Variants in TFB2M observed in about 807,000 individuals in gnomAD.
The protein encoded by TFB2M is dimethyladenosine transferase 2, mitochondrial.
Under a neutral mutation model 41.3 loss-of-function variants are expected in TFB2M, and 44 were observed. That is an observed-to-expected ratio of 1.07 (90% confidence interval 0.84 to 1.37). The LOEUF (loss-of-function observed/expected upper bound fraction) is 1.37, where lower values mean the gene tolerates loss of function less well. Ranked by LOEUF, TFB2M falls within the 40% of genes most tolerant of loss-of-function variation. The pLI, the probability that TFB2M is intolerant of heterozygous loss-of-function variation, is 0.00. For missense variants in TFB2M, 496 were observed against 490.2 expected (o/e 1.01, Z -0.11); for synonymous variants, 188 against 176.8 (o/e 1.06, Z -0.50).
chr1:246,564,280 A>G, intron 2 of TFB2M, 66 bp downstream of exon 2: 1 of 1,407,408 alleles, frequency 7.1e-7, no homozygotes, highest in East Asian at 2.3e-5. Flanking sequence ...GCTTAATTCC[A>G]TTTCCTTAAA....
chr1:246,550,204 G>GATGAAAGTCAACAGA (rs2102986045), intron 5 of TFB2M, among the ~76,000 whole-genome samples: 1 of 152,338 alleles, frequency 6.6e-6, no homozygotes, highest in South Asian at 2.1e-4. Context: ...GAAGACTTGA[G>GATGAAAGTCAACAGA]ATGAAAGTCA....
rs1659090999 is a variant in TFB2M, at chr1:246,548,695, C to A, written c.796-88G>T. On this transcript the variant is annotated intron_variant, in intron 5 of 7. Transcript: ENST00000366514. ...TATTACTTCCTTAAAAAACACCTTG[C>A]CTAAATAAGAGAATGGTCAGTCTAA... The A allele has an allele frequency of 3.3e-6, 4 of 1,200,162 alleles. No homozygotes were observed. The South Asian group carries it at 3.9e-5, about 12-fold the overall frequency. 74.3% of individuals were successfully genotyped at this position (1,200,162 alleles called of 1,614,324 possible). A position where few individuals can be genotyped will look rare whatever the true frequency, so the allele number is the denominator to read the frequency against.
chr1:246,556,823 T>C (rs1659336430), intron 3 of TFB2M, 102 bp from the exon 4 acceptor site: 2 of 997,874 alleles, frequency 2.0e-6, no homozygotes, highest in Admixed American at 3.2e-5. Flanking sequence ...TATATTAATT[T>C]CAAGTTTATT....
chr1:246,565,879 AT>A lies in TFB2M; in HGVS notation c.259del (p.Ile87SerfsTer23). 6.2e-7 allele frequency: 1 copy of A among 1,610,266 alleles called. No homozygotes were observed. The highest frequency in any genetic ancestry group is 8.5e-7 in the Non-Finnish European group (1 of 1,176,674). ...DRRLAETLAQ[I>X]YLGKPSRPPH... ...AGGTCTACTTGGTTTTCCCAAATAG[AT>A]TTGCGCCAGGGTCTCAGCCAATCTC... On this transcript the variant is annotated frameshift_variant, in exon 1 of 8. Coordinates refer to ENST00000366514, the MANE Select transcript of TFB2M (RefSeq NM_022366.3). LOFTEE classifies it high-confidence loss of function.
At chr1:246,550,849 C>A (rs963157909) in intron 5 of TFB2M, among the ~76,000 whole-genome samples, 3 of 152,156 alleles carry the variant, frequency 2.0e-5, no homozygotes, top group Non-Finnish European at 4.4e-5. Flanking sequence ...AACCACTGCT[C>A]CCCAGCCTGG....
intron 6 of TFB2M, among the ~76,000 whole-genome samples, chr1:246,544,936 G>C (rs1658961691): frequency 1.3e-5 from 2 of 152,042 alleles, no homozygotes; most frequent in South Asian, 2.1e-4. Context: ...CTCCCGAGTA[G>C]CTGGGACTAC....
At chr1:246,557,354 T>C in intron 3 of TFB2M, 27 bp downstream of exon 3, 1 of 1,602,072 alleles carries the variant, frequency 6.2e-7, no homozygotes, top group Non-Finnish European at 8.5e-7. Context: ...ATTCTAGGTA[T>C]TTGCTTTAGT....
At chr1:246,543,017 G>C (rs558891199) in intron 7 of TFB2M, among the ~76,000 whole-genome samples, 2 of 130,310 alleles carry the variant, frequency 1.5e-5, no homozygotes, top group South Asian at 4.8e-4. Flanking sequence ...TAGAGACAAG[G>C]TCAGCTTGCT....
rs144601015 is a variant in TFB2M at position 246,554,114 on chromosome 1, G to A, written c.705+2459C>T. 2.4e-3 allele frequency among the ~76,000 whole-genome samples: 366 copies of A among 152,172 alleles called. 2 individuals carry two copies. Among genetic ancestry groups the A allele is most frequent in the African/African-American group, 8.5e-3 (352 of 41,482 alleles). ...AGTAAAGAACAGTCTTTCCACAAAC[G>A]GTGCTGGGAAAACTAGATCAAAGAA... is the stretch of plus-strand genomic sequence containing the variant. On this transcript the variant is annotated intron_variant, in intron 4 of 7. Transcript: ENST00000366514.
rs544251630 is a variant in TFB2M, at chr1:246,545,009, G to A, written c.859-328C>T. Among the ~76,000 whole-genome samples the A allele has an allele frequency of 3.6e-3, 543 of 151,914 alleles. 6 individuals are homozygous for A. The highest frequency in any genetic ancestry group is 0.019 in the East Asian group (95 of 4,968). On this transcript the variant is annotated intron_variant, in intron 6 of 7. Coordinates refer to ENST00000366514, the MANE Select transcript of TFB2M (RefSeq NM_022366.3). ...TTTAGTAGAGATGGGGTTTCACCGT[G>A]TTAGCCAGGATGGTCTCGATCTCCT...
chr1:246,561,010 T>C (rs1659442515), intron 2 of TFB2M, among the ~76,000 whole-genome samples: 1 of 152,164 alleles, frequency 6.6e-6, no homozygotes, highest in Non-Finnish European at 1.5e-5. Flanking sequence ...CTCTCACCAC[T>C]GAAACTCCTT....
intron 2 of TFB2M, among the ~76,000 whole-genome samples, chr1:246,558,876 T>A (rs1174584394): frequency 6.6e-6 from 1 of 151,840 alleles, no homozygotes; most frequent in Non-Finnish European, 1.5e-5. Flanking sequence ...ACCTTCATAG[T>A]TAGGGCAAGA....
At chr1:246,547,819 C>T (rs1020423958) in intron 6 of TFB2M, among the ~76,000 whole-genome samples, 2 of 152,028 alleles carry the variant, frequency 1.3e-5, no homozygotes, top group Admixed American at 1.3e-4. Context: ...AGGACTATAA[C>T]ATTGTCACTT....
intron 6 of TFB2M, among the ~76,000 whole-genome samples, chr1:246,545,362 C>G (rs146550680): frequency 5.4e-4 from 82 of 152,050 alleles, no homozygotes; most frequent in African/African-American, 2.0e-3. Flanking sequence ...AACCCCATCT[C>G]TATAAAAAAT....
chr1:246,546,445 T>C (rs1169542965), intron 6 of TFB2M, among the ~76,000 whole-genome samples: 2 of 151,960 alleles, frequency 1.3e-5, no homozygotes, highest in East Asian at 1.9e-4. Context: ...TGAAACCCCA[T>C]CTTTACTAAA....
At chr1:246,547,933 T>G (rs1392849216) in intron 6 of TFB2M, among the ~76,000 whole-genome samples, 3 of 142,554 alleles carry the variant, frequency 2.1e-5, no homozygotes, top group Non-Finnish European at 4.5e-5. Context: ...GTAATAAGAG[T>G]AGTAATATCA....
At chr1:246,563,080 T>C (rs959773500) in intron 2 of TFB2M, among the ~76,000 whole-genome samples, 1 of 152,136 alleles carries the variant, frequency 6.6e-6, no homozygotes, top group Non-Finnish European at 1.5e-5. Context: ...TGGTGTACAG[T>C]AACCTTTCAA....
At position 246,548,579 on chromosome 1, in the gene TFB2M, G is replaced by A. The variant is rs767272722; in HGVS notation, c.824C>T (p.Thr275Ile). 17 of 1,613,408 alleles carry A rather than the reference G, an allele frequency of 1.1e-5. No individual in the cohort carries two copies. The highest frequency in any genetic ancestry group is 1.3e-5 in the Non-Finnish European group (15 of 1,179,750). The change falls in exon 6 of 8, where the codon ACC (threonine) becomes ATC (isoleucine). Residue 275 changes from threonine to isoleucine, a missense_variant. By Grantham distance (89) the Thr-to-Ile change is moderately conservative. Coordinates refer to ENST00000366514, the MANE Select transcript of TFB2M (RefSeq NM_022366.3). ...MEPWSSFDIY[T>I]RKGPLENPKR... ...TGGGTTTTCCAGCGGCCCTTTCCGGGTGTATATATCAAATGATGACCAAGG... is the reference window on the plus strand; with the variant it reads ...TGGGTTTTCCAGCGGCCCTTTCCGGATGTATATATCAAATGATGACCAAGG...
intron 4 of TFB2M, among the ~76,000 whole-genome samples, chr1:246,554,299 C>T (rs1347097956): frequency 6.6e-6 from 1 of 152,150 alleles, no homozygotes; most frequent in Non-Finnish European, 1.5e-5. Context: ...TCCCCAATCC[C>T]CGGGCCACGA....
Sources: gnomAD v4.1 joint callset for allele counts (sites outside exome capture counted in the v4.1 genomes callset) on GRCh38, gnomAD v4.1.1 for gene constraint, MANE v1.5 for transcripts, NCBI Gene and HGNC (gene_info 2026-07-23, HGNC 2026-07-21) for gene names.